CYSLTR2: variants seen among roughly 807,000 people sequenced by gnomAD.
CYSLTR2 encodes the protein cysteinyl leukotriene receptor 2.
For synonymous variants in CYSLTR2, 179 were observed against 160.8 expected (o/e 1.11, Z -0.86); for missense variants, 398 against 411.9 (o/e 0.97, Z 0.29).
intron 1 of CYSLTR2, among the ~76,000 whole-genome samples, chr13:48,666,402 T>C (rs1421759230): frequency 2.0e-5 from 3 of 152,146 alleles, no homozygotes; most frequent in African/African-American, 4.8e-5. Flanking sequence ...TTGAATCTAT[T>C]TGGAAATTTT....
chr13:48,672,606 CT>C (rs1283504348), intron 1 of CYSLTR2, among the ~76,000 whole-genome samples: 1 of 111,454 alleles, frequency 9.0e-6, no homozygotes, highest in African/African-American at 3.4e-5. Context: ...AGTTTCTTTT[CT>C]TTTCTTTTCT....
chr13:48,695,870 G>A (rs952301136), intron 3 of CYSLTR2, among the ~76,000 whole-genome samples: 18 of 152,306 alleles, frequency 1.2e-4, no homozygotes, highest in African/African-American at 4.1e-4. Context: ...AGTAATCACT[G>A]ACTTATAGGT....
At chr13:48,695,421 C>A (rs1954158249) in intron 3 of CYSLTR2, among the ~76,000 whole-genome samples, 1 of 149,140 alleles carries the variant, frequency 6.7e-6, no homozygotes, top group African/African-American at 2.5e-5. Context: ...CTCTCTCTCT[C>A]TCATAGAGAT....
intron 1 of CYSLTR2, among the ~76,000 whole-genome samples, chr13:48,680,243 C>T (rs1176348781): frequency 6.6e-5 from 10 of 152,128 alleles, no homozygotes; most frequent in Admixed American, 4.6e-4. Flanking sequence ...ACCCATCTGA[C>T]CATAGTCAGT....
At position 48,707,202 on chromosome 13, in the gene CYSLTR2, C is replaced by T; in HGVS notation, c.385C>T (p.Leu129=). Residue 129 remains leucine, a synonymous_variant, in exon 5 of 5, where the codon CTG becomes TTG. Transcript: ENST00000682523. The stretch of plus-strand genomic sequence containing the variant: ...CAACATGTACAGCAGTATTTATTTC[C>T]TGACCGTGCTGAGTGTTGTGCGTTT... ...YVNMYSSIYF[L]TVLSVVRFLA... is the part of the protein sequence containing the mutation. 1.2e-6 allele frequency: 2 copies of T among 1,614,160 alleles called. No individual in the cohort carries two copies. Among genetic ancestry groups the T allele is most frequent in the Non-Finnish European group, 8.5e-7 (1 of 1,180,044 alleles).
intron 1 of CYSLTR2, among the ~76,000 whole-genome samples, chr13:48,666,096 T>C (rs1158616708): frequency 6.6e-6 from 1 of 152,168 alleles, no homozygotes; most frequent in Non-Finnish European, 1.5e-5. Context: ...CTAGTGGTGA[T>C]ACATTCTCTT....
chr13:48,685,638 C>T (rs747002979), intron 1 of CYSLTR2, among the ~76,000 whole-genome samples: 1 of 152,156 alleles, frequency 6.6e-6, no homozygotes, highest in Non-Finnish European at 1.5e-5. Flanking sequence ...TTAGAGCTCC[C>T]TGACTGCAAA....
In CYSLTR2 at chr13:48,710,532, C is replaced by T. The variant is rs1169820283; in HGVS notation, c.*2674C>T. 6.6e-6 allele frequency: 1 copy of T among 152,124 alleles called. No homozygotes were observed. The highest frequency in any genetic ancestry group is 2.4e-5 in the African/African-American group (1 of 41,418). The allele number at this position is 152,124 out of a possible 1,614,324, so 9.4% of individuals were successfully genotyped here. A position where few individuals can be genotyped will look rare whatever the true frequency, so the allele number is the denominator to read the frequency against. On this transcript the variant is annotated 3_prime_UTR_variant, in exon 5 of 5. Coordinates refer to ENST00000682523, the MANE Select transcript of CYSLTR2 (RefSeq NM_001308476.3). ...AAAGAGAAGCTGTAAAGTGCTTCCT[C>T]TAACAGAAAATGTGAAAGTTCTTGA...
chr13:48,665,204 T>A (rs561801532), intron 1 of CYSLTR2, among the ~76,000 whole-genome samples: 94 of 152,190 alleles, frequency 6.2e-4, no homozygotes, highest in African/African-American at 2.2e-3. Flanking sequence ...CTTAAAAAAA[T>A]TTTTTTGAGA....
intron 4 of CYSLTR2, among the ~76,000 whole-genome samples, chr13:48,699,055 T>A (rs1954271716): frequency 6.6e-6 from 1 of 152,154 alleles, no homozygotes; most frequent in Admixed American, 6.5e-5. Context: ...AGACTTAGAC[T>A]CCCACACAAT....
chr13:48,676,817 A>C (rs891140235), intron 1 of CYSLTR2, among the ~76,000 whole-genome samples: 1 of 152,226 alleles, frequency 6.6e-6, no homozygotes, highest in African/African-American at 2.4e-5. Context: ...TGTAAAATAG[A>C]GATAACAATG....
intron 1 of CYSLTR2, among the ~76,000 whole-genome samples, chr13:48,684,753 T>C (rs1747437898): frequency 6.6e-6 from 1 of 152,138 alleles, no homozygotes; most frequent in African/African-American, 2.4e-5. Context: ...AATAAGTTCT[T>C]TGCAGATGTA....
chr13:48,687,778 C>CT (rs1298662889), intron 1 of CYSLTR2, among the ~76,000 whole-genome samples: 3 of 152,138 alleles, frequency 2.0e-5, no homozygotes, highest in African/African-American at 7.2e-5. Flanking sequence ...CTGAAATTCT[C>CT]TAACAATTTT....
chr13:48,686,195 G>A (rs1953890268), intron 1 of CYSLTR2, among the ~76,000 whole-genome samples: 1 of 152,112 alleles, frequency 6.6e-6, no homozygotes, highest in Non-Finnish European at 1.5e-5. Flanking sequence ...TGCTGCATCA[G>A]AAATATGTTG....
At chr13:48,702,831 A>T (rs1566106281) in intron 4 of CYSLTR2, among the ~76,000 whole-genome samples, 1 of 152,224 alleles carries the variant, frequency 6.6e-6, no homozygotes, top group Non-Finnish European at 1.5e-5. Flanking sequence ...CTACAAAAAA[A>T]CTTACAAGGA....
At chr13:48,659,026 G>A (rs1953065113) in intron 1 of CYSLTR2, among the ~76,000 whole-genome samples, 1 of 152,086 alleles carries the variant, frequency 6.6e-6, no homozygotes, top group Admixed American at 6.5e-5. Flanking sequence ...AAAGATGACA[G>A]CCTGTACTAG....
chr13:48,664,526 C>T (rs1953211858), intron 1 of CYSLTR2, among the ~76,000 whole-genome samples: 1 of 151,760 alleles, frequency 6.6e-6, no homozygotes, highest in Non-Finnish European at 1.5e-5. Context: ...TATCCAGGTT[C>T]TGTTTTCTTC....
At chr13:48,693,157 A>G (rs2138947931) in intron 2 of CYSLTR2, among the ~76,000 whole-genome samples, 1 of 151,934 alleles carries the variant, frequency 6.6e-6, no homozygotes, top group African/African-American at 2.4e-5. Flanking sequence ...TTATAGAACT[A>G]GTGGAATCTT....
intron 4 of CYSLTR2, among the ~76,000 whole-genome samples, chr13:48,700,208 C>T (rs1003328387): frequency 8.5e-5 from 13 of 152,146 alleles, no homozygotes; most frequent in Non-Finnish European, 1.8e-4. Context: ...CTGGCAGAGA[C>T]ACAACAACAA....
Sources: allele counts gnomAD v4.1 joint callset (sites outside exome capture counted in the v4.1 genomes callset), GRCh38; gene constraint gnomAD v4.1.1; transcripts MANE v1.5; gene names NCBI Gene and HGNC (gene_info 2026-07-23, HGNC 2026-07-21).